Variants in COLGALT2 observed in about 807,000 individuals in gnomAD.
COLGALT2 encodes collagen beta(1-O)galactosyltransferase 2, also known as procollagen galactosyltransferase 2.
A neutral mutation model predicts 73.4 loss-of-function variants in COLGALT2; 49 were observed. The ratio of observed to expected loss-of-function variants is 0.67; its 90% CI spans 0.53 to 0.85. COLGALT2 has a LOEUF of 0.85. Among genes scored for constraint, COLGALT2 ranks in the 40% least tolerant of loss-of-function variants. The probability of loss-of-function intolerance (pLI) is 0.00; values close to 1 mark genes in which losing one functional copy is unlikely to be tolerated. For synonymous variants in COLGALT2, 295 were observed against 307.6 expected (o/e 0.96, Z 0.43); for missense variants, 722 against 790.2 (o/e 0.91, Z 1.03).
intron 6 of COLGALT2, among the ~76,000 whole-genome samples, chr1:183,958,819 T>G (rs1670620715): frequency 6.6e-6 from 1 of 151,200 alleles, no homozygotes; most frequent in Non-Finnish European, 1.5e-5. Flanking sequence ...ATATACTGGA[T>G]CCTTGTGACT....
chr1:183,952,495 C>T (rs1415629966), intron 7 of COLGALT2, among the ~76,000 whole-genome samples: 1 of 152,146 alleles, frequency 6.6e-6, no homozygotes. Flanking sequence ...AAAGGAGAAA[C>T]TTTGTCTTAG....
At chr1:184,029,885 A>C (rs1293912078) in intron 1 of COLGALT2, among the ~76,000 whole-genome samples, 1 of 152,180 alleles carries the variant, frequency 6.6e-6, no homozygotes. Context: ...AGAACATGGG[A>C]TAGAGAGATG....
In COLGALT2 at chr1:183,941,302, G is replaced by T. The variant is rs137929838; in HGVS notation, c.1398-515C>A. On this transcript the variant is annotated intron_variant, in intron 10 of 11. Coordinates refer to ENST00000361927, the MANE Select transcript of COLGALT2 (RefSeq NM_015101.4). The stretch of plus-strand genomic sequence containing the variant: ...TGAAGGTTCTGGGAACCCAAGAGTG[G>T]CCCTAAGGGGTTCCTTTTGGGGAGG... 8.3e-3 allele frequency among the ~76,000 whole-genome samples: 1,262 copies of T among 152,306 alleles called. 7 individuals carry two copies. Among genetic ancestry groups the T allele is most frequent in the Non-Finnish European group, 0.013 (868 of 68,020 alleles).
At chr1:183,953,737 G>T (rs1027370091) in intron 7 of COLGALT2, among the ~76,000 whole-genome samples, 1 of 152,098 alleles carries the variant, frequency 6.6e-6, no homozygotes, top group Non-Finnish European at 1.5e-5. Flanking sequence ...CATAGTAGCT[G>T]TTAACTCTTC....
At chr1:183,990,572 G>C (rs553203109) in intron 1 of COLGALT2, among the ~76,000 whole-genome samples, 6 of 152,354 alleles carry the variant, frequency 3.9e-5, no homozygotes, top group Non-Finnish European at 8.8e-5. Flanking sequence ...GGAGGAGGGA[G>C]TGGCTAGAAA....
At chr1:184,014,031 G>A (rs1001787890) in intron 1 of COLGALT2, among the ~76,000 whole-genome samples, 1 of 152,126 alleles carries the variant, frequency 6.6e-6, no homozygotes, top group African/African-American at 2.4e-5. Context: ...ATAAGTTAGA[G>A]GAATCTCTGG....
chr1:183,999,245 T>C (rs1671850865), intron 1 of COLGALT2, among the ~76,000 whole-genome samples: 1 of 152,088 alleles, frequency 6.6e-6, no homozygotes. Context: ...CCCGTTAATT[T>C]GTCGATATGA....
rs116721761 is a variant in COLGALT2 at position 183,964,844 on chromosome 1, G to A, written c.833-824C>T. 8.4e-3 allele frequency among the ~76,000 whole-genome samples: 1,286 copies of A among 152,324 alleles called. 9 individuals are homozygous for A. The highest frequency in any genetic ancestry group is 0.016 in the South Asian group (78 of 4,832). The stretch of plus-strand genomic sequence containing the variant: ...GACACTCCTGATCAATGATAAGACT[G>A]CTTAGTGAAAAGGATGAGTCCGCCA... On this transcript the variant is annotated intron_variant, in intron 5 of 11. Transcript: ENST00000361927.
Position 183,988,205 on chromosome 1 carries a change from C to G in COLGALT2, c.264-9685G>C, listed in dbSNP as rs117821822. Among the ~76,000 whole-genome samples the G allele has an allele frequency of 9.9e-5, 15 of 152,206 alleles. 1 individual carries two copies. In the East Asian group the frequency reaches 2.9e-3, roughly 29 times the overall value. ...TAATTCTCTCAACCCAGTCTAATAT[C>G]AAGAGAATTGGAAAGAAGAAAAAAA... On this transcript the variant is annotated intron_variant, in intron 1 of 11. Coordinates refer to ENST00000361927, the MANE Select transcript of COLGALT2 (RefSeq NM_015101.4).
At chr1:183,963,366 G>A (rs1043665810) in intron 6 of COLGALT2, among the ~76,000 whole-genome samples, 1 of 152,096 alleles carries the variant, frequency 6.6e-6, no homozygotes, top group Non-Finnish European at 1.5e-5. Flanking sequence ...AAACAACAAT[G>A]AAACAGTTTT....
intron 10 of COLGALT2, among the ~76,000 whole-genome samples, chr1:183,942,873 G>A (rs568532096): frequency 6.6e-6 from 1 of 152,334 alleles, no homozygotes; most frequent in Admixed American, 6.5e-5. Context: ...CGAACTACAT[G>A]TGAACGGGAA....
intron 2 of COLGALT2, among the ~76,000 whole-genome samples, chr1:183,976,745 C>T (rs1671204300): frequency 1.3e-5 from 2 of 152,092 alleles, no homozygotes; most frequent in South Asian, 4.2e-4. Flanking sequence ...AAAAAAAATA[C>T]ATTAATTGCA....
At chr1:183,943,943 G>A (rs1670181598) in intron 10 of COLGALT2, among the ~76,000 whole-genome samples, 1 of 152,174 alleles carries the variant, frequency 6.6e-6, no homozygotes, top group African/African-American at 2.4e-5. Flanking sequence ...TCTGTCTGAA[G>A]GTCCCTGATC....
At chr1:183,999,181 G>A (rs1284766930) in intron 1 of COLGALT2, among the ~76,000 whole-genome samples, 1 of 152,006 alleles carries the variant, frequency 6.6e-6, no homozygotes, top group Admixed American at 6.6e-5. Flanking sequence ...TGTTTCGAAT[G>A]ATTGCTGAAA....
rs1670007367 is a variant in COLGALT2, at chr1:183,938,111, T to C, written c.*650A>G. The C allele has an allele frequency of 3.0e-6, 3 of 986,066 alleles. No individual in the cohort carries two copies. The African/African-American group carries it at 5.2e-5, about 17-fold the overall frequency. 61.1% of individuals were successfully genotyped at this position (986,066 alleles called of 1,614,324 possible). On this transcript the variant is annotated 3_prime_UTR_variant, in exon 12 of 12. Coordinates refer to ENST00000361927, the MANE Select transcript of COLGALT2 (RefSeq NM_015101.4). ...CCACATGGCAAACTGGTCACCTCTATATGAGAACTCCAACTGCCATGATGG... is the reference window on the plus strand; with the variant it reads ...CCACATGGCAAACTGGTCACCTCTACATGAGAACTCCAACTGCCATGATGG...
intron 1 of COLGALT2, among the ~76,000 whole-genome samples, chr1:183,991,981 TA>T (rs1671640540): frequency 6.6e-6 from 1 of 152,146 alleles, no homozygotes; most frequent in Admixed American, 6.5e-5. Flanking sequence ...GGAGCATGCA[TA>T]AATACACAGC....
rs576352668 is a variant in COLGALT2, at chr1:184,037,082, C to G, written c.263+13G>C. 8 of 1,548,478 alleles carry G rather than the reference C, an allele frequency of 5.2e-6. No individual in the cohort carries two copies. The highest frequency in any genetic ancestry group is 3.5e-5 in the South Asian group (3 of 84,996). ...CGTCCCGCCGCGGCGGCCCGGGGCC[C>G]GTGCGCGCTCACCAGATGGCCATCC... On this transcript the variant is annotated intron_variant, in intron 1 of 11. Coordinates refer to ENST00000361927, the MANE Select transcript of COLGALT2 (RefSeq NM_015101.4).
chr1:184,025,113 A>G (rs1572685128), intron 1 of COLGALT2, among the ~76,000 whole-genome samples: 1 of 152,346 alleles, frequency 6.6e-6, no homozygotes, highest in South Asian at 2.1e-4. Flanking sequence ...AAGATTCAGA[A>G]CCATTGTCAG....
Position 183,936,067 on chromosome 1 carries a change from T to C in COLGALT2, c.*2694A>G, listed in dbSNP as rs1669943923. 1.0e-6 allele frequency: 1 copy of C among 985,466 alleles called. No individual in the cohort carries two copies. The highest frequency in any genetic ancestry group is 1.7e-5 in the African/African-American group (1 of 57,360). 61.0% of individuals were successfully genotyped at this position (985,466 alleles called of 1,614,324 possible). ...CCACACACAGCAGCACCAGCACTGC[T>C]GATGTCACGGTTGTCTGTCCAGAAG... On this transcript the variant is annotated 3_prime_UTR_variant, in exon 12 of 12. Coordinates refer to ENST00000361927, the MANE Select transcript of COLGALT2 (RefSeq NM_015101.4).
Sources: gnomAD v4.1 joint callset for allele counts (sites outside exome capture counted in the v4.1 genomes callset) on GRCh38, gnomAD v4.1.1 for gene constraint, MANE v1.5 for transcripts, NCBI Gene and HGNC (gene_info 2026-07-23, HGNC 2026-07-21) for gene names.